PTPRD: variants seen among roughly 807,000 people sequenced by gnomAD.
PTPRD encodes protein tyrosine phosphatase receptor type D, also known as receptor-type tyrosine-protein phosphatase delta.
In PTPRD, 34 loss-of-function variants were observed where a neutral mutation model predicts 214.5. That is an observed-to-expected ratio of 0.16 (90% confidence interval 0.12 to 0.21). PTPRD has a LOEUF of 0.21. PTPRD is among the 10% of genes least tolerant of loss of function. PTPRD has a pLI of 1.00. For synonymous variants in PTPRD, 1,128 were observed against 845.7 expected (o/e 1.33, Z -5.79); for missense variants, 2,545 against 2,398.7 (o/e 1.06, Z -1.27).
intron 11 of PTPRD, among the ~76,000 whole-genome samples, chr9:8,973,167 G>A (rs1241342944): frequency 6.6e-6 from 1 of 151,924 alleles, no homozygotes. Context: ...TGGACCCAGG[G>A]TGTGAGCATA....
At position 9,932,186 on chromosome 9, in the gene PTPRD, G is replaced by T. The variant is rs538532937; in HGVS notation, c.-368+6321C>A. 1.4e-3 allele frequency among the ~76,000 whole-genome samples: 217 copies of T among 150,842 alleles called. 2 individuals are homozygous for T. The highest frequency in any genetic ancestry group is 4.9e-3 in the African/African-American group (196 of 40,124). ...GCAGAGTGCCTCTCCTCCTCCAAAG[G>T]AACGCAGTTCCTCACCAGCAAAAGA... On this transcript the variant is annotated intron_variant, in intron 5 of 45. Coordinates refer to ENST00000381196, the MANE Select transcript of PTPRD (RefSeq NM_002839.4).
At chr9:9,211,895 G>A (rs2099949023) in intron 9 of PTPRD, among the ~76,000 whole-genome samples, 1 of 151,776 alleles carries the variant, frequency 6.6e-6, no homozygotes, top group African/African-American at 2.4e-5. Context: ...CAGTGTTGCA[G>A]CCAGCCAAGA....
chr9:9,023,512 T>A (rs747203355), intron 10 of PTPRD, among the ~76,000 whole-genome samples: 3 of 152,090 alleles, frequency 2.0e-5, no homozygotes, highest in Non-Finnish European at 4.4e-5. Flanking sequence ...ATTCTTCTAT[T>A]TACACTTAGT....
At chr9:9,581,744 G>A (rs1406458993) in intron 7 of PTPRD, among the ~76,000 whole-genome samples, 1 of 152,076 alleles carries the variant, frequency 6.6e-6, no homozygotes, top group Non-Finnish European at 1.5e-5. Context: ...TAAATCTTGG[G>A]AAAGTTGGAA....
At chr9:9,066,097 C>G (rs1302236825) in intron 10 of PTPRD, among the ~76,000 whole-genome samples, 1 of 151,630 alleles carries the variant, frequency 6.6e-6, no homozygotes, top group Admixed American at 6.6e-5. Context: ...ATGGTTGTTG[C>G]AACTGCATTC....
At chr9:10,181,617 T>C (rs1390719832) in intron 3 of PTPRD, among the ~76,000 whole-genome samples, 3 of 152,004 alleles carry the variant, frequency 2.0e-5, no homozygotes, top group Non-Finnish European at 4.4e-5. Context: ...TTCTGTCAGA[T>C]ACTAAGGTAT....
At chr9:9,006,888 T>C (rs1209230970) in intron 11 of PTPRD, among the ~76,000 whole-genome samples, 2 of 152,042 alleles carry the variant, frequency 1.3e-5, no homozygotes, top group African/African-American at 2.4e-5. Context: ...TGGGGGGTCA[T>C]ATTTACATTT....
At chr9:10,483,202 A>G (rs898044749) in intron 2 of PTPRD, among the ~76,000 whole-genome samples, 1 of 152,182 alleles carries the variant, frequency 6.6e-6, no homozygotes, top group Non-Finnish European at 1.5e-5. Flanking sequence ...TCTATTCCAT[A>G]TATTTTGCTG....
intron 9 of PTPRD, among the ~76,000 whole-genome samples, chr9:9,275,201 ATAT>A (rs572093778): frequency 0.017 from 1,075 of 61,438 alleles, 70 homozygotes; most frequent in African/African-American, 0.064. Context: ...TATATATATT[ATAT>A]ATATATATAT....
intron 3 of PTPRD, among the ~76,000 whole-genome samples, chr9:10,135,800 A>T (rs768404803): frequency 6.6e-6 from 1 of 152,028 alleles, no homozygotes; most frequent in East Asian, 1.9e-4. Flanking sequence ...TCAGGCAGAC[A>T]CTATAAAGCA....
intron 4 of PTPRD, among the ~76,000 whole-genome samples, chr9:9,983,478 T>A (rs575011248): frequency 6.6e-6 from 1 of 152,338 alleles, no homozygotes; most frequent in East Asian, 1.9e-4. Context: ...AAGTATTTTG[T>A]AAAGTCCTTT....
chr9:10,080,217 G>C (rs949494590), intron 3 of PTPRD, among the ~76,000 whole-genome samples: 4 of 152,216 alleles, frequency 2.6e-5, no homozygotes, highest in African/African-American at 9.6e-5. Context: ...CACCATTATA[G>C]CTGGTAGCAC....
chr9:9,128,115 GTT>G (rs566647375), intron 10 of PTPRD, among the ~76,000 whole-genome samples: 240 of 152,254 alleles, frequency 1.6e-3, no homozygotes, highest in Non-Finnish European at 3.1e-3. Context: ...AGGCCAGATG[GTT>G]TTACTACATG....
At chr9:9,061,166 G>C (rs1225823769) in intron 10 of PTPRD, among the ~76,000 whole-genome samples, 1 of 152,102 alleles carries the variant, frequency 6.6e-6, no homozygotes, top group Non-Finnish European at 1.5e-5. Context: ...TTTCATCATG[G>C]TTACCTGGGC....
intron 2 of PTPRD, among the ~76,000 whole-genome samples, chr9:10,586,874 G>A (rs1275922566): frequency 6.1e-5 from 9 of 147,322 alleles, no homozygotes; most frequent in Non-Finnish European, 1.2e-4. Flanking sequence ...ATTTTCCTTT[G>A]TTTTTTAACC....
intron 3 of PTPRD, among the ~76,000 whole-genome samples, chr9:10,226,794 G>C (rs1285597025): frequency 6.6e-6 from 1 of 151,996 alleles, no homozygotes; most frequent in Non-Finnish European, 1.5e-5. Flanking sequence ...AACAGGGATA[G>C]ATCAATAGTT....
intron 8 of PTPRD, among the ~76,000 whole-genome samples, chr9:9,482,768 G>A (rs1024423210): frequency 6.6e-6 from 1 of 152,164 alleles, no homozygotes. Context: ...AGGCTATGAA[G>A]AGACAATTAA....
chr9:9,512,456 G>A (rs1362937928), intron 8 of PTPRD, among the ~76,000 whole-genome samples: 1 of 151,792 alleles, frequency 6.6e-6, no homozygotes, highest in Non-Finnish European at 1.5e-5. Context: ...TTTTACTCAA[G>A]ACAGTTACTT....
intron 2 of PTPRD, among the ~76,000 whole-genome samples, chr9:10,582,680 CCTTAGAT>C (rs2072364850): frequency 6.6e-6 from 1 of 151,982 alleles, no homozygotes; most frequent in Admixed American, 6.6e-5. Context: ...GCTCCTTATG[CCTTAGAT>C]AATCGTGTAA....
Sources: gnomAD v4.1 joint callset for allele counts (sites outside exome capture counted in the v4.1 genomes callset) on GRCh38, gnomAD v4.1.1 for gene constraint, MANE v1.5 for transcripts, NCBI Gene and HGNC (gene_info 2026-07-23, HGNC 2026-07-21) for gene names.